Variants in LEMD1 observed in about 807,000 individuals in gnomAD.
The protein encoded by LEMD1 is LEM domain-containing protein 1.
A neutral mutation model predicts 17.4 loss-of-function variants in LEMD1; 18 were observed. That is an observed-to-expected ratio of 1.04 (90% CI 0.72 to 1.54). The LOEUF (loss-of-function observed/expected upper bound fraction) is 1.54, where lower values mean the gene tolerates loss of function less well. LEMD1 is among the 40% of genes most tolerant of loss of function. The pLI is 0.00. For missense variants in LEMD1, 195 were observed against 210.4 expected (o/e 0.93, Z 0.45); for synonymous variants, 88 against 77.8 (o/e 1.13, Z -0.69).
chr1:205,395,512 T>G (rs532030150), intron 4 of LEMD1, among the ~76,000 whole-genome samples: 1 of 151,620 alleles, frequency 6.6e-6, no homozygotes, highest in Non-Finnish European at 1.5e-5. Context: ...GAGAATTGCT[T>G]GAACCTGGGA....
At chr1:205,419,904 A>G (rs1665882319) in intron 2 of LEMD1, among the ~76,000 whole-genome samples, 1 of 152,238 alleles carries the variant, frequency 6.6e-6, no homozygotes, top group Non-Finnish European at 1.5e-5. Context: ...AAGGCTGTGC[A>G]TCCTATCTAT....
At chr1:205,396,282 G>A (rs1664587911) in intron 4 of LEMD1, among the ~76,000 whole-genome samples, 1 of 152,176 alleles carries the variant, frequency 6.6e-6, no homozygotes, top group South Asian at 2.1e-4. Context: ...AAAGTGCTGG[G>A]ATAATAGGCA....
upstream of LEMD1, among the ~76,000 whole-genome samples, chr1:205,423,378 T>C (rs1282242478): frequency 1.3e-5 from 2 of 152,218 alleles, no homozygotes; most frequent in African/African-American, 4.8e-5. Flanking sequence ...CTTGGGTTAT[T>C]AGGAGGCACA....
chr1:205,449,201 T>C (rs1008771405), intron 1 of LEMD1, among the ~76,000 whole-genome samples: 1 of 152,124 alleles, frequency 6.6e-6, no homozygotes, highest in South Asian at 2.1e-4. Flanking sequence ...TAGGACTGGA[T>C]TGAAGAGCTG....
intron 4 of LEMD1, among the ~76,000 whole-genome samples, chr1:205,390,345 A>ACT (rs1428947106): frequency 6.7e-6 from 1 of 150,122 alleles, no homozygotes; most frequent in Admixed American, 6.7e-5. Context: ...ACAGAGCTAC[A>ACT]CTCTCTCTCT....
At chr1:205,444,588 G>T (rs1368028776) in intron 1 of LEMD1, among the ~76,000 whole-genome samples, 1 of 152,118 alleles carries the variant, frequency 6.6e-6, no homozygotes, top group East Asian at 1.9e-4. Flanking sequence ...GCATGAACAT[G>T]TGGAAGAACC....
chr1:205,414,887 C>G (rs1261388311), intron 4 of LEMD1, among the ~76,000 whole-genome samples: 4 of 152,078 alleles, frequency 2.6e-5, no homozygotes, highest in African/African-American at 9.7e-5. Context: ...GACCCTGTCT[C>G]TAAAATAAAT....
intron 4 of LEMD1, among the ~76,000 whole-genome samples, chr1:205,413,718 T>G (rs1665562801): frequency 6.9e-6 from 1 of 144,066 alleles, no homozygotes; most frequent in African/African-American, 2.6e-5. Context: ...AGCTGCACAA[T>G]CTCGGCTCAT....
At chr1:205,420,433 A>G in intron 2 of LEMD1, 22 bp downstream of exon 2, 1 of 1,578,764 alleles carries the variant, frequency 6.3e-7, no homozygotes, top group Non-Finnish European at 8.7e-7. Context: ...AGTCTGTAAT[A>G]TTTGCTGCAT....
upstream of LEMD1, among the ~76,000 whole-genome samples, chr1:205,424,009 T>C (rs994418975): frequency 5.9e-5 from 9 of 152,348 alleles, no homozygotes; most frequent in Admixed American, 3.3e-4. Context: ...AGTCTCAGGT[T>C]TGACGTGGGG....
intron 4 of LEMD1, among the ~76,000 whole-genome samples, chr1:205,401,324 G>GTCC (rs1214345196): frequency 6.6e-6 from 1 of 152,214 alleles, no homozygotes; most frequent in Non-Finnish European, 1.5e-5. Context: ...GAGTGTAAAA[G>GTCC]TGTTCCTATT....
intron 4 of LEMD1, among the ~76,000 whole-genome samples, chr1:205,408,030 A>T (rs986906310): frequency 2.0e-5 from 3 of 152,184 alleles, no homozygotes; most frequent in Non-Finnish European, 2.9e-5. Context: ...GGAAAGACTG[A>T]GGCACCGTGG....
chr1:205,443,853 A>G (rs1265142356), intron 1 of LEMD1, among the ~76,000 whole-genome samples: 1 of 151,824 alleles, frequency 6.6e-6, no homozygotes, highest in African/African-American at 2.4e-5. Flanking sequence ...CCCGCTGTGA[A>G]CCCCACTCCT....
At chr1:205,425,414 T>G (rs1394220120), upstream of LEMD1, among the ~76,000 whole-genome samples, 1 of 152,138 alleles carries the variant, frequency 6.6e-6, no homozygotes, top group African/African-American at 2.4e-5. Flanking sequence ...CAGCTCAGGC[T>G]TAAGCTGAGC....
At chr1:205,435,740 G>A (rs1026258758) in intron 1 of LEMD1, 9 of 152,194 alleles carry the variant, frequency 5.9e-5, no homozygotes, top group African/African-American at 2.2e-4. Context: ...CATCCTGATT[G>A]GCAGCTCTTT....
chr1:205,391,143 T>C (rs1195091610), intron 4 of LEMD1, among the ~76,000 whole-genome samples: 1 of 151,990 alleles, frequency 6.6e-6, no homozygotes, highest in African/African-American at 2.4e-5. Flanking sequence ...AGAACTAACA[T>C]TGCAGCTCAG....
intron 1 of LEMD1, among the ~76,000 whole-genome samples, chr1:205,433,616 A>G (rs1666160876): frequency 6.6e-6 from 1 of 152,136 alleles, no homozygotes; most frequent in Admixed American, 6.5e-5. Context: ...CACAGCATAC[A>G]TTTCCCCATG....
chr1:205,396,576 A>G (rs1198734365), intron 4 of LEMD1, among the ~76,000 whole-genome samples: 4 of 148,898 alleles, frequency 2.7e-5, no homozygotes, highest in Non-Finnish European at 4.5e-5. Flanking sequence ...ATGAATAAAA[A>G]TACTTCTCCA....
chr1:205,435,036 A>AC, intron 1 of LEMD1: 1 of 152,316 alleles, frequency 6.6e-6, no homozygotes, highest in South Asian at 2.1e-4. Flanking sequence ...GGCTTAGTAA[A>AC]TGGGTTCCAG....
Sources: gnomAD v4.1 joint callset for allele counts (sites outside exome capture counted in the v4.1 genomes callset) on GRCh38, gnomAD v4.1.1 for gene constraint, MANE v1.5 for transcripts, NCBI Gene and HGNC (gene_info 2026-07-23, HGNC 2026-07-21) for gene names.